Variants in PDE1A observed in about 807,000 individuals in gnomAD.
The protein encoded by PDE1A is phosphodiesterase 1A.
A neutral mutation model predicts 61.7 loss-of-function variants in PDE1A; 35 were observed. That is an observed-to-expected ratio of 0.57 (90% CI 0.43 to 0.75). The LOEUF is 0.75. Among genes scored for constraint, PDE1A ranks in the 30% least tolerant of loss-of-function variants. PDE1A has a pLI of 0.00. For missense variants in PDE1A, 597 were observed against 630.6 expected (o/e 0.95, Z 0.57); for synonymous variants, 232 against 213.2 (o/e 1.09, Z -0.77).
At chr2:182,461,115 C>A (rs1485873531) in intron 2 of PDE1A, among the ~76,000 whole-genome samples, 1 of 152,140 alleles carries the variant, frequency 6.6e-6, no homozygotes, top group Non-Finnish European at 1.5e-5. Flanking sequence ...GCCATGGAAT[C>A]TTTTTCTCAT....
intron 2 of PDE1A, among the ~76,000 whole-genome samples, chr2:182,487,021 T>C (rs903265701): frequency 6.6e-6 from 1 of 152,150 alleles, no homozygotes; most frequent in Admixed American, 6.6e-5. Flanking sequence ...AATCATCTAT[T>C]GGACAAAGCA....
intron 10 of PDE1A, among the ~76,000 whole-genome samples, chr2:182,194,881 TCA>T (rs55809632): frequency 0.24 from 34,325 of 144,626 alleles, 4,055 homozygotes; most frequent in African/African-American, 0.28. Context: ...TCTGAAATAT[TCA>T]CACACACACA....
At chr2:182,668,678 G>A in the PDE1A span, among the ~76,000 whole-genome samples, 16 of 152,142 alleles carry the variant, frequency 1.1e-4, no homozygotes, top group African/African-American at 2.7e-4. Context: ...CCTTTGTCTC[G>A]GCTGCCTGCT....
chr2:182,292,779 T>C (rs1039417917), intron 1 of PDE1A, among the ~76,000 whole-genome samples: 1 of 152,078 alleles, frequency 6.6e-6, no homozygotes, highest in Non-Finnish European at 1.5e-5. Flanking sequence ...AATTAAAAGT[T>C]TGATGTTTCT....
At chr2:182,692,125 G>A in the PDE1A span, among the ~76,000 whole-genome samples, 10 of 152,030 alleles carry the variant, frequency 6.6e-5, no homozygotes, top group African/African-American at 1.5e-4. Flanking sequence ...GCGATTCCTC[G>A]GGGATCTAGA....
At chr2:182,270,220 CTG>C (rs1692920472) in intron 1 of PDE1A, among the ~76,000 whole-genome samples, 1 of 152,124 alleles carries the variant, frequency 6.6e-6, no homozygotes, top group South Asian at 2.1e-4. Context: ...TTGATTGGCT[CTG>C]TGGTTAAATC....
the PDE1A span, among the ~76,000 whole-genome samples, chr2:182,683,597 A>G: frequency 6.6e-6 from 1 of 152,226 alleles, no homozygotes; most frequent in Non-Finnish European, 1.5e-5. Flanking sequence ...TACAAACTAC[A>G]GAAACAATAA....
chr2:182,160,607 G>T (rs1691326426), intron 13 of PDE1A, among the ~76,000 whole-genome samples: 1 of 152,164 alleles, frequency 6.6e-6, no homozygotes, highest in Non-Finnish European at 1.5e-5. Flanking sequence ...GTTAGCCTCA[G>T]ACTGGGGCTG....
At chr2:182,540,104 C>A in the PDE1A span, among the ~76,000 whole-genome samples, 29 of 152,242 alleles carry the variant, frequency 1.9e-4, no homozygotes, top group East Asian at 9.7e-4. Context: ...GTGGCTCACA[C>A]GTGTAATTCA....
At chr2:182,686,849 A>G in the PDE1A span, among the ~76,000 whole-genome samples, 3 of 152,192 alleles carry the variant, frequency 2.0e-5, no homozygotes, top group Admixed American at 6.5e-5. Context: ...CGCTTTTCCA[A>G]TGGTCTTAGC....
chr2:182,706,868 G>C, the PDE1A span, among the ~76,000 whole-genome samples: 1 of 152,172 alleles, frequency 6.6e-6, no homozygotes, highest in South Asian at 2.1e-4. Flanking sequence ...AGAAAATTCT[G>C]TTTTCTCTTT....
At chr2:182,540,384 A>AAAGC in the PDE1A span, among the ~76,000 whole-genome samples, 75 of 77,512 alleles carry the variant, frequency 9.7e-4, 1 homozygote, top group Middle Eastern at 0.017. Context: ...AAAAAAAAAA[A>AAAGC]AGCAGCAGCA....
chr2:182,498,628 G>A (rs1487738218), intron 2 of PDE1A, among the ~76,000 whole-genome samples: 1 of 151,972 alleles, frequency 6.6e-6, no homozygotes, highest in Non-Finnish European at 1.5e-5. Flanking sequence ...AGACTGAAAG[G>A]ACCAGTCAAT....
At position 182,226,863 on chromosome 2, in the gene PDE1A, T is replaced by C. The variant is rs1471620190; in HGVS notation, c.676-2899A>G. 3.3e-5 allele frequency among the ~76,000 whole-genome samples: 5 copies of C among 151,916 alleles called. 1 individual carries two copies. Among genetic ancestry groups the C allele is most frequent in the African/African-American group, 1.2e-4 (5 of 41,350 alleles). ...CAGTCATCAACTTATAAGGAGGTAT[T>C]GACTGCTATTAATAACATGTATTAT... On this transcript the variant is annotated intron_variant, in intron 6 of 13. Coordinates refer to ENST00000351439, the Ensembl canonical transcript of PDE1A.
intron 2 of PDE1A, among the ~76,000 whole-genome samples, chr2:182,242,891 TCTCTCTCC>T (rs1369556848): frequency 7.8e-6 from 1 of 128,146 alleles, no homozygotes; most frequent in Non-Finnish European, 1.7e-5. Flanking sequence ...TCCCTCTCTC[TCTCTCTCC>T]CTCTCTCTCT....
the PDE1A span, among the ~76,000 whole-genome samples, chr2:182,679,192 T>C: frequency 7.2e-6 from 1 of 139,748 alleles, no homozygotes; most frequent in Admixed American, 7.0e-5. Context: ...ATTATTATTA[T>C]TTTTTTTTTG....
the PDE1A span, among the ~76,000 whole-genome samples, chr2:182,631,067 T>C: frequency 2.6e-5 from 4 of 151,996 alleles, no homozygotes; most frequent in Admixed American, 6.6e-5. Context: ...GCTCACACAA[T>C]TGTGGAAGCT....
At chr2:182,490,213 A>C (rs188692892) in intron 2 of PDE1A, among the ~76,000 whole-genome samples, 128 of 152,326 alleles carry the variant, frequency 8.4e-4, no homozygotes, top group African/African-American at 2.9e-3. Context: ...TTCAGTGTAG[A>C]AAGGGAGATA....
At position 182,504,126 on chromosome 2, in the gene PDE1A, A is replaced by G. The variant is rs1178952490; in HGVS notation, c.101+18150T>C. Among the ~76,000 whole-genome samples the G allele has an allele frequency of 3.9e-5, 6 of 152,226 alleles. No homozygotes were observed. In the East Asian group the frequency reaches 1.2e-3, roughly 29 times the overall value. On this transcript the variant is annotated intron_variant, in intron 2 of 14. Coordinates refer to the PDE1A transcript ENST00000410103. Reference sequence around the variant, plus strand: ...CCATAGTGTGACTCACGCTGTATACATTAGTGTTTACTGCTATACCCACAA... The same window carrying G: ...CCATAGTGTGACTCACGCTGTATACGTTAGTGTTTACTGCTATACCCACAA...
Sources: gnomAD v4.1 joint callset for allele counts (sites outside exome capture counted in the v4.1 genomes callset) on GRCh38, gnomAD v4.1.1 for gene constraint, MANE v1.5 for transcripts, NCBI Gene and HGNC (gene_info 2026-07-23, HGNC 2026-07-21) for gene names.